DNAH8: variants seen among roughly 807,000 people sequenced by gnomAD.
The protein encoded by DNAH8 is axonemal beta dynein heavy chain 8.
DNAH8 carries 382 observed loss-of-function variants against 562.1 expected under a neutral mutation model. The observed-to-expected ratio is 0.68, with a 90% CI of 0.63 to 0.74. DNAH8 has a LOEUF of 0.74. Among genes scored for constraint, DNAH8 ranks in the 30% least tolerant of loss-of-function variants. DNAH8 has a pLI of 0.00. For synonymous variants in DNAH8, 1,881 were observed against 1,919.4 expected (o/e 0.98, Z 0.52); for missense variants, 5,203 against 5,620.4 (o/e 0.93, Z 2.37).
chr6:38,721,615 A>T (rs1183220371), intron 1 of DNAH8, among the ~76,000 whole-genome samples: 3 of 152,226 alleles, frequency 2.0e-5, no homozygotes, highest in Non-Finnish European at 4.4e-5. Flanking sequence ...ATGTTGACAC[A>T]TTCTAGGGGA....
intron 15 of DNAH8, among the ~76,000 whole-genome samples, chr6:38,780,533 C>T (rs748485293): frequency 1.1e-4 from 17 of 152,160 alleles, no homozygotes; most frequent in Non-Finnish European, 2.1e-4. Flanking sequence ...AGATCATGTC[C>T]TTTGCAGGAA....
At chr6:38,829,420 A>G (rs2150349480) in intron 30 of DNAH8, among the ~76,000 whole-genome samples, 1 of 152,170 alleles carries the variant, frequency 6.6e-6, no homozygotes, top group East Asian at 1.9e-4. Flanking sequence ...ATCTAGAGTT[A>G]CAAAGATTTA....
At chr6:38,958,384 G>A (rs1422529260) in intron 82 of DNAH8, among the ~76,000 whole-genome samples, 2 of 142,814 alleles carry the variant, frequency 1.4e-5, no homozygotes, top group African/African-American at 2.5e-5. Context: ...TACACCTTTG[G>A]CCAGACTAAG....
At chr6:38,896,915 A>G (rs925716459) in intron 60 of DNAH8, among the ~76,000 whole-genome samples, 2 of 152,102 alleles carry the variant, frequency 1.3e-5, no homozygotes, top group African/African-American at 4.8e-5. Context: ...CCTCCCGAGT[A>G]GCTGGGATTA....
At chr6:38,960,748 C>T (rs1180838326) in intron 82 of DNAH8, among the ~76,000 whole-genome samples, 4 of 151,960 alleles carry the variant, frequency 2.6e-5, no homozygotes, top group African/African-American at 9.7e-5. Flanking sequence ...TATGATTCAG[C>T]AGTGCTGCTA....
At chr6:38,855,593 G>A (rs1776132907) in intron 41 of DNAH8, among the ~76,000 whole-genome samples, 2 of 152,108 alleles carry the variant, frequency 1.3e-5, no homozygotes. Flanking sequence ...GTGATCAGAT[G>A]AGAGTAATTA....
intron 26 of DNAH8, among the ~76,000 whole-genome samples, chr6:38,820,720 A>G (rs1048171504): frequency 2.6e-5 from 4 of 152,210 alleles, no homozygotes; most frequent in African/African-American, 9.6e-5. Flanking sequence ...TTGGTTTAAC[A>G]TCCTAAAATA....
Position 38,866,716 on chromosome 6 carries a change from TCTTTA to T in DNAH8, c.6585+43_6586-45del, listed in dbSNP as rs763181479. On this transcript the variant is annotated intron_variant, in intron 46 of 92. Transcript: ENST00000327475. ...TTTAAAAGCATAATGTGCTTTATGT[TCTTTA>T]CTTGTTTTTCACTAAAGTTGAAAAA... 6.9e-6 allele frequency: 11 copies of T among 1,599,934 alleles called. No homozygotes were observed. In the South Asian group the frequency reaches 1.1e-4, roughly 16 times the overall value.
At chr6:38,951,884 A>C (rs892372148) in intron 82 of DNAH8, among the ~76,000 whole-genome samples, 1 of 152,204 alleles carries the variant, frequency 6.6e-6, no homozygotes, top group Non-Finnish European at 1.5e-5. Context: ...ATTTTGTCAC[A>C]AATTAAAAAA....
Position 38,814,147 on chromosome 6 carries a change from C to T in DNAH8, c.3333+18C>T, listed in dbSNP as rs768718204. ...CTAATGTGGTAAGTATTATTAAATA[C>T]ACTGATAATTTGATAAGGTGCTTAA... On this transcript the variant is annotated intron_variant, in intron 25 of 92. Coordinates refer to ENST00000327475, the MANE Select transcript of DNAH8 (RefSeq NM_001206927.2). The T allele has an allele frequency of 5.2e-6, 7 of 1,358,130 alleles. No homozygotes were observed. In the East Asian group the frequency reaches 1.4e-4, roughly 27 times the overall value. 84.1% of individuals were successfully genotyped at this position (1,358,130 alleles called of 1,614,324 possible). A position where few individuals can be genotyped will look rare whatever the true frequency, so the allele number is the denominator to read the frequency against.
intron 52 of DNAH8, among the ~76,000 whole-genome samples, 154 bp from the exon 53 acceptor site, chr6:38,875,437 C>T (rs971940276): frequency 5.9e-5 from 9 of 152,172 alleles, no homozygotes; most frequent in Non-Finnish European, 1.5e-5. Flanking sequence ...CTTTCTTCTA[C>T]GTGCTGTTGG....
intron 56 of DNAH8, among the ~76,000 whole-genome samples, chr6:38,885,254 AAC>A (rs1339390259): frequency 6.6e-6 from 1 of 152,126 alleles, no homozygotes; most frequent in African/African-American, 2.4e-5. Context: ...CTGCTCCTCC[AAC>A]AGTCTTCTCT....
Position 38,715,960 on chromosome 6 carries a change from A to ATTT in DNAH8, c.-35+559_-35+561dup, listed in dbSNP as rs869120118. Among the ~76,000 whole-genome samples, 39 of 23,628 alleles carry ATTT rather than the reference A, an allele frequency of 1.7e-3. 5 individuals carry two copies. The highest frequency in any genetic ancestry group is 1.9e-3 in the Non-Finnish European group (30 of 16,048). 15.5% of individuals were successfully genotyped at this position (23,628 alleles called of 152,430 possible). A position where few individuals can be genotyped will look rare whatever the true frequency, so the allele number is the denominator to read the frequency against. On this transcript the variant is annotated intron_variant, in intron 1 of 92. Coordinates refer to ENST00000327475, the MANE Select transcript of DNAH8 (RefSeq NM_001206927.2). ...TATATATATATATATATATATATAT[A>ATTT]TTTTTTTTTTTTTTTTGAGACGGAG...
chr6:38,744,958 A>G (rs1764810516), intron 8 of DNAH8, among the ~76,000 whole-genome samples: 2 of 152,140 alleles, frequency 1.3e-5, no homozygotes, highest in African/African-American at 4.8e-5. Flanking sequence ...GGATGAAGTA[A>G]TTCACTATGA....
At chr6:39,022,704 G>A (rs1767009001) in intron 91 of DNAH8, among the ~76,000 whole-genome samples, 1 of 152,158 alleles carries the variant, frequency 6.6e-6, no homozygotes, top group South Asian at 2.1e-4. Flanking sequence ...TTTTCTGGTC[G>A]TGTGATCCCA....
chr6:38,809,364 G>GT (rs1348222467), intron 24 of DNAH8, among the ~76,000 whole-genome samples: 3 of 152,090 alleles, frequency 2.0e-5, no homozygotes, highest in Non-Finnish European at 4.4e-5. Context: ...AACTTTTGTA[G>GT]TTTTGACCTT....
chr6:39,013,849 TA>T (rs1446293610), intron 91 of DNAH8, among the ~76,000 whole-genome samples: 4 of 149,436 alleles, frequency 2.7e-5, no homozygotes. Context: ...AGACCCTATC[TA>T]AAAAAGAGAG....
Position 38,937,897 on chromosome 6 carries a change from T to G in DNAH8, c.11564-77T>G, listed in dbSNP as rs1296696207. On this transcript the variant is annotated intron_variant, in intron 77 of 92. Transcript: ENST00000327475. ...CAAGTTGAAAGCTAACAGCGTTTTT[T>G]TTTTTTCAGAAGAGATGTATCTTGC... The G allele has an allele frequency of 2.0e-6, 3 of 1,520,342 alleles. No homozygotes were observed. In the African/African-American group the frequency reaches 4.2e-5, roughly 21 times the overall value. The allele number at this position is 1,520,342 out of a possible 1,614,324, so 94.2% of individuals were successfully genotyped here.
intron 7 of DNAH8, among the ~76,000 whole-genome samples, chr6:38,739,647 A>G (rs1764373919): frequency 6.6e-6 from 1 of 152,132 alleles, no homozygotes; most frequent in Non-Finnish European, 1.5e-5. Flanking sequence ...CCTCAAAATA[A>G]ATAAATAAAG....
Sources: allele counts gnomAD v4.1 joint callset (sites outside exome capture counted in the v4.1 genomes callset), GRCh38; gene constraint gnomAD v4.1.1; transcripts MANE v1.5; gene names NCBI Gene and HGNC (gene_info 2026-07-23, HGNC 2026-07-21).